The following AGPS variants were observed in gnomAD, a reference collection of about 807,000 sequenced individuals.
AGPS encodes alkylglycerone phosphate synthase, also known as alkyldihydroxyacetonephosphate synthase, peroxisomal.
A neutral mutation model predicts 90.7 loss-of-function variants in AGPS; 26 were observed. The observed-to-expected ratio is 0.29, with a 90% CI of 0.21 to 0.40. AGPS has a LOEUF of 0.40. AGPS is among the 10% of genes least tolerant of loss of function. The pLI is 1.00. For missense variants in AGPS, 540 were observed against 816.1 expected (o/e 0.66, Z 4.12); for synonymous variants, 294 against 285.3 (o/e 1.03, Z -0.31).
chr2:177,474,567 A>G (rs1321318540), intron 10 of AGPS, among the ~76,000 whole-genome samples: 2 of 152,208 alleles, frequency 1.3e-5, no homozygotes, highest in Non-Finnish European at 2.9e-5. Context: ...GGCCTTGGTT[A>G]GGTTCCCTCA....
At chr2:177,409,011 G>A (rs115854128) in intron 1 of AGPS, among the ~76,000 whole-genome samples, 6 of 152,248 alleles carry the variant, frequency 3.9e-5, no homozygotes, top group African/African-American at 1.2e-4. Flanking sequence ...CTCCCAGAAA[G>A]TTTGAGAACC....
intron 1 of AGPS, among the ~76,000 whole-genome samples, chr2:177,393,941 G>A (rs1317952768): frequency 2.6e-4 from 39 of 152,268 alleles, no homozygotes; most frequent in Non-Finnish European, 1.5e-5. Flanking sequence ...GTACTTTTAA[G>A]TGTGCCAAAG....
Position 177,416,521 on chromosome 2 carries a change from T to G in AGPS, c.261-3748T>G, listed in dbSNP as rs569797564. On this transcript the variant is annotated intron_variant, in intron 1 of 19. Transcript: ENST00000264167. ...ATTCTTTCGGCAGGAGGAGGGTTTT[T>G]TTTTGTTTTGTTTTGTTTTTTTGAG... is the stretch of plus-strand genomic sequence containing the variant. 1.6e-4 allele frequency among the ~76,000 whole-genome samples: 25 copies of G among 152,170 alleles called. No individual in the cohort carries two copies. In the South Asian group the frequency reaches 2.3e-3, roughly 14 times the overall value.
intron 2 of AGPS, among the ~76,000 whole-genome samples, chr2:177,429,516 C>G (rs1251191792): frequency 1.3e-5 from 2 of 151,892 alleles, no homozygotes; most frequent in Non-Finnish European, 2.9e-5. Flanking sequence ...TTTTTTGATG[C>G]TGTTGTTGTT....
At chr2:177,394,347 T>A (rs576034824) in intron 1 of AGPS, among the ~76,000 whole-genome samples, 1 of 152,236 alleles carries the variant, frequency 6.6e-6, no homozygotes, top group South Asian at 2.1e-4. Context: ...AAGTAAAGAT[T>A]GTCTGAGTAA....
intron 1 of AGPS, among the ~76,000 whole-genome samples, chr2:177,399,079 A>C (rs1685261876): frequency 6.6e-6 from 1 of 152,348 alleles, no homozygotes; most frequent in Middle Eastern, 3.4e-3. Context: ...GGAAGTTACT[A>C]TAGAGCCATC....
In AGPS at chr2:177,393,062, A is replaced by G; in HGVS notation, c.260+13A>G. ...TCCCAAAGAAGCGGTGAGTAGCGGT[A>G]TGTGGAAGGAGTTAGCGTCGAGGGA... On this transcript the variant is annotated intron_variant, in intron 1 of 19. Coordinates refer to ENST00000264167, the MANE Select transcript of AGPS (RefSeq NM_003659.4). The G allele has an allele frequency of 6.5e-7, 1 of 1,550,292 alleles. No individual in the cohort carries two copies. The highest frequency in any genetic ancestry group is 8.7e-7 in the Non-Finnish European group (1 of 1,146,744).
At position 177,484,565 on chromosome 2, in the gene AGPS, C is replaced by T. The variant is rs761732428; in HGVS notation, c.1233+2379C>T. Reference sequence around the variant, plus strand: ...TTTGCCGTGTTGGCCAGGCTCGTCTCGAACTCCTGACCTCAGGTGATCCGC... The same window carrying T: ...TTTGCCGTGTTGGCCAGGCTCGTCTTGAACTCCTGACCTCAGGTGATCCGC... On this transcript the variant is annotated intron_variant, in intron 11 of 19. Transcript: ENST00000264167. 1.4e-3 allele frequency among the ~76,000 whole-genome samples: 211 copies of T among 152,052 alleles called. 2 individuals are homozygous for T. Among genetic ancestry groups the T allele is most frequent in the Non-Finnish European group, 9.1e-4 (62 of 67,960 alleles).
At chr2:177,450,662 T>C (rs1686910527) in intron 8 of AGPS, among the ~76,000 whole-genome samples, 1 of 152,144 alleles carries the variant, frequency 6.6e-6, no homozygotes, top group African/African-American at 2.4e-5. Context: ...TACTATACTG[T>C]TTGGATTACT....
intron 11 of AGPS, among the ~76,000 whole-genome samples, chr2:177,489,695 T>C (rs1341186859): frequency 6.6e-6 from 1 of 152,222 alleles, no homozygotes; most frequent in East Asian, 1.9e-4. Context: ...GTATAAAATA[T>C]AGTTAGGTAC....
chr2:177,536,547 T>C (rs1193890384), intron 19 of AGPS, among the ~76,000 whole-genome samples: 4 of 152,136 alleles, frequency 2.6e-5, no homozygotes, highest in African/African-American at 9.7e-5. Context: ...AAAAACAGGC[T>C]GAATCATAGT....
chr2:177,494,146 G>A (rs73031244), intron 12 of AGPS, among the ~76,000 whole-genome samples: 2,571 of 152,168 alleles, frequency 0.017, 70 homozygotes, highest in African/African-American at 0.057. Flanking sequence ...GAGAGTGATC[G>A]TTCAGTAATA....
chr2:177,393,180 G>C lies in AGPS; in HGVS notation c.260+131G>C, dbSNP rs1483172931. The C allele has an allele frequency of 1.9e-6, 3 of 1,545,614 alleles. No homozygotes were observed. In the East Asian group the frequency reaches 7.3e-5, roughly 38 times the overall value. On this transcript the variant is annotated intron_variant, in intron 1 of 19. Coordinates refer to ENST00000264167, the MANE Select transcript of AGPS (RefSeq NM_003659.4). The stretch of plus-strand genomic sequence containing the variant: ...AGGCATCCCGGTCCCTGAAAGTAGG[G>C]ACCCACCTCTCTTTCGAGAGAGTGG...
intron 3 of AGPS, among the ~76,000 whole-genome samples, chr2:177,436,177 G>T (rs1686406049): frequency 9.8e-6 from 1 of 102,060 alleles, no homozygotes; most frequent in African/African-American, 3.7e-5. Flanking sequence ...GTCTCGCTCT[G>T]TCTCCCAGAG....
intron 19 of AGPS, among the ~76,000 whole-genome samples, chr2:177,534,555 C>G (rs1220746891): frequency 9.6e-6 from 1 of 104,074 alleles, no homozygotes; most frequent in Non-Finnish European, 1.8e-5. Context: ...ACCCCCCGCC[C>G]CATTAGTTTT....
chr2:177,414,897 C>CATGTGT (rs71007993), intron 1 of AGPS, among the ~76,000 whole-genome samples: 1 of 146,216 alleles, frequency 6.8e-6, no homozygotes, highest in East Asian at 2.0e-4. Context: ...TATGAAGGTT[C>CATGTGT]GTGTGTGTGT....
intron 17 of AGPS, among the ~76,000 whole-genome samples, chr2:177,514,363 G>A (rs1362991908): frequency 6.6e-6 from 1 of 152,048 alleles, no homozygotes; most frequent in African/African-American, 2.4e-5. Flanking sequence ...TTCTTCATGG[G>A]ACTGTTGTAA....
At chr2:177,443,204 T>A (rs1160004818) in intron 7 of AGPS, among the ~76,000 whole-genome samples, 3 of 152,208 alleles carry the variant, frequency 2.0e-5, no homozygotes, top group Non-Finnish European at 4.4e-5. Context: ...TCAAAAGTAA[T>A]TCTTTATGTT....
In AGPS at chr2:177,513,911, A is replaced by G; in HGVS notation, c.1697+3A>G. On this transcript the variant is annotated splice_donor_region_variant and intron_variant, in intron 17 of 19. Coordinates refer to ENST00000264167, the MANE Select transcript of AGPS (RefSeq NM_003659.4). Reference sequence around the variant, plus strand: ...TTTGCTCCTTTTTCTACATGCAGGTAAGTTTTAAAAATTGTTCTTATACTT... The same window carrying G: ...TTTGCTCCTTTTTCTACATGCAGGTGAGTTTTAAAAATTGTTCTTATACTT... 1 of 1,605,808 alleles carries G rather than the reference A, an allele frequency of 6.2e-7. No individual in the cohort carries two copies. Among genetic ancestry groups the G allele is most frequent in the Non-Finnish European group, 8.5e-7 (1 of 1,172,568 alleles).
Sources: gnomAD v4.1 joint callset for allele counts (sites outside exome capture counted in the v4.1 genomes callset) on GRCh38, gnomAD v4.1.1 for gene constraint, MANE v1.5 for transcripts, NCBI Gene and HGNC (gene_info 2026-07-23, HGNC 2026-07-21) for gene names.